The following ERC2 variants were observed in gnomAD, a reference collection of about 807,000 sequenced individuals.
The protein encoded by ERC2 is ERC protein 2.
In ERC2, 42 loss-of-function variants were observed where a neutral mutation model predicts 114.8. The observed-to-expected ratio is 0.37, with a 90% CI of 0.29 to 0.47. ERC2 has a LOEUF of 0.47. Among genes scored for constraint, ERC2 ranks in the 20% least tolerant of loss-of-function variants. ERC2 has a pLI of 0.99. For synonymous variants in ERC2, 454 were observed against 425.5 expected (o/e 1.07, Z -0.82); for missense variants, 939 against 1,150.7 (o/e 0.82, Z 2.66).
At chr3:55,733,538 TCTCTCACACACA>T (rs2065426442) in intron 15 of ERC2, among the ~76,000 whole-genome samples, 3 of 74,166 alleles carry the variant, frequency 4.0e-5, no homozygotes, top group South Asian at 1.4e-3. Context: ...TCTTTCTCTC[TCTCTCACACACA>T]CACACACACA....
intron 14 of ERC2, among the ~76,000 whole-genome samples, chr3:55,739,005 G>A: frequency 6.6e-6 from 1 of 152,114 alleles, no homozygotes; most frequent in Admixed American, 6.5e-5. Context: ...GTGAGAACAT[G>A]CAGTGTTTGG....
intron 3 of ERC2, among the ~76,000 whole-genome samples, chr3:56,224,422 G>A (rs2050120002): frequency 1.3e-5 from 2 of 152,170 alleles, no homozygotes. Context: ...CAGCTTGAGT[G>A]GCAGGGGTGA....
intron 7 of ERC2, among the ~76,000 whole-genome samples, chr3:56,032,913 A>AAGAAAGAGAGAGAGAGAGACAGAC (rs2074477738): frequency 1.5e-5 from 1 of 68,638 alleles, no homozygotes; most frequent in Non-Finnish European, 3.3e-5. Flanking sequence ...GAAAGAAAGA[A>AAGAAAGAGAGAGAGAGAGACAGAC]AGAAAGAAAG....
intron 14 of ERC2, among the ~76,000 whole-genome samples, chr3:55,789,799 G>T (rs778609522): frequency 1.6e-4 from 25 of 152,130 alleles, no homozygotes; most frequent in Non-Finnish European, 3.2e-4. Flanking sequence ...ATACAAAAAG[G>T]CAGAAGAGTT....
At chr3:55,869,043 T>G (rs1229708732) in intron 14 of ERC2, among the ~76,000 whole-genome samples, 1 of 152,172 alleles carries the variant, frequency 6.6e-6, no homozygotes, top group Non-Finnish European at 1.5e-5. Flanking sequence ...AAATTATTCC[T>G]AATACCTTCA....
chr3:56,402,578 C>A (rs913584079), intron 2 of ERC2, among the ~76,000 whole-genome samples: 1 of 152,162 alleles, frequency 6.6e-6, no homozygotes, highest in Non-Finnish European at 1.5e-5. Flanking sequence ...AACTTACAAC[C>A]CCACTAACAG....
Position 56,185,454 on chromosome 3 carries a change from T to C in ERC2, c.1075-11934A>G, listed in dbSNP as rs1051316631. 3.3e-5 allele frequency among the ~76,000 whole-genome samples: 5 copies of C among 152,102 alleles called. No homozygotes were observed. In the South Asian group the frequency reaches 8.3e-4, roughly 25 times the overall value. On this transcript the variant is annotated intron_variant, in intron 3 of 17. Coordinates refer to ENST00000288221, the MANE Select transcript of ERC2 (RefSeq NM_015576.3). ...TTGCAAGCCCACTAAAAGAGGGAAA[T>C]TGTGTCCCCAGGAGTGGTATTTAAT...
chr3:56,039,610 T>C (rs554683470), intron 7 of ERC2, among the ~76,000 whole-genome samples: 1 of 152,058 alleles, frequency 6.6e-6, no homozygotes, highest in East Asian at 1.9e-4. Flanking sequence ...TCTATGAAAA[T>C]TCCGATGTCA....
chr3:56,055,796 C>G (rs900265705), intron 7 of ERC2, among the ~76,000 whole-genome samples: 10 of 152,158 alleles, frequency 6.6e-5, no homozygotes, highest in Admixed American at 6.6e-5. Flanking sequence ...CTCAGTCTCC[C>G]CTCTCTCTAT....
intron 13 of ERC2, among the ~76,000 whole-genome samples, chr3:55,890,976 TC>T (rs2063570599): frequency 6.6e-6 from 1 of 152,208 alleles, no homozygotes; most frequent in African/African-American, 2.4e-5. Context: ...CATGGGTTCT[TC>T]CTGTGTTTAA....
chr3:56,167,708 G>A (rs931679770), intron 4 of ERC2, among the ~76,000 whole-genome samples: 5 of 152,102 alleles, frequency 3.3e-5, no homozygotes, highest in Admixed American at 2.6e-4. Context: ...TATTGTAAAT[G>A]CACACTGCAC....
chr3:56,378,452 G>A (rs1429926292), intron 2 of ERC2, among the ~76,000 whole-genome samples: 2 of 130,914 alleles, frequency 1.5e-5, no homozygotes, highest in Non-Finnish European at 3.2e-5. Flanking sequence ...GGATATCATC[G>A]GGAGATATAC....
chr3:55,799,857 C>T (rs2070896601), intron 14 of ERC2, among the ~76,000 whole-genome samples: 2 of 152,008 alleles, frequency 1.3e-5, no homozygotes, highest in South Asian at 4.2e-4. Flanking sequence ...GTTCCATTGA[C>T]CCAACAGTCA....
At chr3:56,082,626 G>T (rs72867655) in intron 6 of ERC2, among the ~76,000 whole-genome samples, 3,358 of 152,156 alleles carry the variant, frequency 0.022, 116 homozygotes, top group African/African-American at 0.077. Context: ...CTTTGGCAAA[G>T]GATGTATGAA....
intron 17 of ERC2, among the ~76,000 whole-genome samples, chr3:55,549,363 T>C (rs1398504338): frequency 6.6e-6 from 1 of 151,916 alleles, no homozygotes; most frequent in Non-Finnish European, 1.5e-5. Context: ...TCTTCACCAC[T>C]GGGGACCCTG....
chr3:56,051,341 C>A (rs2075755179), intron 7 of ERC2, among the ~76,000 whole-genome samples: 1 of 152,056 alleles, frequency 6.6e-6, no homozygotes, highest in Non-Finnish European at 1.5e-5. Flanking sequence ...ACATGATAAG[C>A]CAGCTGTAAA....
In ERC2 at chr3:56,129,723, T is replaced by G. The variant is rs192300362; in HGVS notation, c.1473+9786A>C. ...AGCTTAATATATTATAGACAATGAC[T>G]TTTTCAAACAGAAGTATAAACAAAC... On this transcript the variant is annotated intron_variant, in intron 6 of 17. Transcript: ENST00000288221. Among the ~76,000 whole-genome samples, 4 of 152,330 alleles carry G rather than the reference T, an allele frequency of 2.6e-5. No individual in the cohort carries two copies. The East Asian group carries it at 7.7e-4, about 29-fold the overall frequency.
chr3:55,804,385 A>G (rs2059415528), intron 14 of ERC2, among the ~76,000 whole-genome samples: 1 of 152,146 alleles, frequency 6.6e-6, no homozygotes, highest in Non-Finnish European at 1.5e-5. Context: ...TCTACTGTTA[A>G]GAGAATGGGG....
At chr3:56,352,851 C>A (rs73835003) in intron 2 of ERC2, among the ~76,000 whole-genome samples, 1 of 152,076 alleles carries the variant, frequency 6.6e-6, no homozygotes, top group South Asian at 2.1e-4. Context: ...GATTACCCTA[C>A]CCTCTTTGCC....
Sources: allele counts gnomAD v4.1 joint callset (sites outside exome capture counted in the v4.1 genomes callset), GRCh38; gene constraint gnomAD v4.1.1; transcripts MANE v1.5; gene names NCBI Gene and HGNC (gene_info 2026-07-23, HGNC 2026-07-21).